OVCH2: variants seen among roughly 807,000 people sequenced by gnomAD.
OVCH2 encodes ovochymase-2.
In OVCH2, 88 loss-of-function variants were observed where a neutral mutation model predicts 73.7. The ratio of observed to expected loss-of-function variants is 1.19; its 90% CI spans 1.01 to 1.43. The LOEUF (loss-of-function observed/expected upper bound fraction) is 1.43. OVCH2 is among the 40% of genes most tolerant of loss of function. The pLI is 0.00. For synonymous variants in OVCH2, 265 were observed against 234.5 expected, an observed-to-expected ratio of 1.13 and a Z score of -1.19; for missense variants, 706 against 674.5, an observed-to-expected ratio of 1.05 and a Z score of -0.52.
Position 7,695,223 on chromosome 11 carries a change from C to T in OVCH2, c.1283-35G>A. Reference sequence around the variant, plus strand: ...AAGAAAAAGTCCAAACAGATGGCACCATTCAAATAAAGAAGAATTCTCACT... The same window carrying T: ...AAGAAAAAGTCCAAACAGATGGCACTATTCAAATAAAGAAGAATTCTCACT... On this transcript the variant is annotated intron_variant, in intron 11 of 15. Coordinates refer to ENST00000533663, the MANE Select transcript of OVCH2 (RefSeq NM_198185.7). 5 of 1,526,806 alleles carry T rather than the reference C, an allele frequency of 3.3e-6. No individual in the cohort carries two copies. In the South Asian group the frequency reaches 6.3e-5, roughly 19 times the overall value. 94.6% of individuals were successfully genotyped at this position (1,526,806 alleles called of 1,614,324 possible). A position where few individuals can be genotyped will look rare whatever the true frequency, so the allele number is the denominator to read the frequency against.
chr11:7,706,078 G>T (rs910969065), intron 1 of OVCH2: 1 of 419,314 alleles, frequency 2.4e-6, no homozygotes, highest in African/African-American at 2.1e-5. Flanking sequence ...AAGAAAACAG[G>T]GATTGTTTAC....
At chr11:7,684,487 TACAC>T (rs1555012336), downstream of OVCH2, among the ~76,000 whole-genome samples, 32 of 143,526 alleles carry the variant, frequency 2.2e-4, 1 homozygote, top group South Asian at 7.3e-3. Context: ...TATATATATA[TACAC>T]ACACATACAT....
chr11:7,695,016 G>T, intron 12 of OVCH2, 42 bp downstream of exon 12: 1 of 1,531,806 alleles, frequency 6.5e-7, no homozygotes, highest in Non-Finnish European at 8.8e-7. Flanking sequence ...TAGCTATTCT[G>T]TGAATTTACC....
downstream of OVCH2, among the ~76,000 whole-genome samples, chr11:7,686,434 C>T (rs1431688599): frequency 6.6e-6 from 1 of 152,218 alleles, no homozygotes; most frequent in Non-Finnish European, 1.5e-5. Flanking sequence ...GTACCCATAA[C>T]AGTAATTATC....
Position 7,701,465 on chromosome 11 carries a change from G to A in OVCH2, c.570C>T (p.Leu190=), listed in dbSNP as rs753885306. ...GWGRLTEGGV[L]SQVLQEVNLP... is the part of the protein sequence containing the mutation. ...GATTCACTTCCTGCAAGACTTGTGAGAGGACGCCACCTGAAAAACAGAGAG... is the reference window on the plus strand; with the variant it reads ...GATTCACTTCCTGCAAGACTTGTGAAAGGACGCCACCTGAAAAACAGAGAG... Residue 190 remains leucine (L), a synonymous_variant, in exon 6 of 16, where the codon CTC becomes CTT. Coordinates refer to ENST00000533663, the MANE Select transcript of OVCH2 (RefSeq NM_198185.7). 6 of 1,610,728 alleles carry A rather than the reference G, an allele frequency of 3.7e-6. No homozygotes were observed. The East Asian group carries it at 1.3e-4, about 36-fold the overall frequency.
intron 14 of OVCH2, 135 bp from the exon 15 acceptor site, chr11:7,690,148 A>G (rs1324030161): frequency 3.3e-6 from 2 of 613,428 alleles, no homozygotes; most frequent in African/African-American, 3.7e-5. Flanking sequence ...AGGTATTTCA[A>G]ATGAGGAGTG....
At position 7,703,708 on chromosome 11, in the gene OVCH2, T is replaced by C; in HGVS notation, c.280A>G (p.Ile94Val). 1 of 1,605,254 alleles carries C rather than the reference T, an allele frequency of 6.2e-7. No individual in the cohort carries two copies. Among genetic ancestry groups the C allele is most frequent in the Non-Finnish European group, 8.5e-7 (1 of 1,175,966 alleles). Residue 94 changes from isoleucine (I) to valine (V), a missense_variant, in exon 3 of 16, where the codon ATT (isoleucine) becomes GTT (valine). By Grantham distance (29) the Ile-to-Val change is conservative. Coordinates refer to ENST00000533663, the MANE Select transcript of OVCH2 (RefSeq NM_198185.7). ...CTAGGCCTTTCTTACCTGTTTGCAA[T>C]GCAGTGAGCCGCCGTGATCACCCAC... ...PQWVITAAHC[I>V]ANRNIVSTLN... is the part of the protein sequence containing the mutation.
At chr11:7,704,494 T>G (rs2136164557) in intron 2 of OVCH2, 71 bp downstream of exon 2, 2 of 1,120,808 alleles carry the variant, frequency 1.8e-6, no homozygotes, top group Admixed American at 2.5e-5. Flanking sequence ...AGATATAAAC[T>G]TAACCTTAAA....
At chr11:7,696,314 T>C (rs1284168238) in intron 10 of OVCH2, 151 bp downstream of exon 10, 1 of 1,131,394 alleles carries the variant, frequency 8.8e-7, no homozygotes, top group Admixed American at 2.5e-5. Flanking sequence ...AGGCTCAGAT[T>C]TGGTTCCTTC....
At chr11:7,686,335 A>G (rs1369565707), downstream of OVCH2, among the ~76,000 whole-genome samples, 1 of 152,218 alleles carries the variant, frequency 6.6e-6, no homozygotes, top group African/African-American at 2.4e-5. Context: ...TTCATATGCA[A>G]CGTTTAGAAT....
intron 6 of OVCH2, 112 bp from the exon 7 acceptor site, chr11:7,700,597 T>A (rs1445002987): frequency 1.6e-6 from 2 of 1,215,146 alleles, no homozygotes; most frequent in African/African-American, 3.1e-5. Context: ...TCCTCACTTC[T>A]AATAATTTAG....
At chr11:7,693,390 A>G (rs1315876404) in intron 12 of OVCH2, among the ~76,000 whole-genome samples, 1 of 152,208 alleles carries the variant, frequency 6.6e-6, no homozygotes. Flanking sequence ...TCAAATGGTG[A>G]GCATATTCCT....
chr11:7,687,208 T>G (rs542282921), downstream of OVCH2, among the ~76,000 whole-genome samples: 27 of 152,116 alleles, frequency 1.8e-4, no homozygotes, highest in Admixed American at 5.9e-4. Flanking sequence ...AGAAAGGTGA[T>G]TCCACCATGT....
At position 7,706,473 on chromosome 11, in the gene OVCH2, T is replaced by G. The variant is rs1188527505; in HGVS notation, c.-79A>C. The G allele has an allele frequency of 4.0e-5, 60 of 1,486,394 alleles. No homozygotes were observed. In the South Asian group the frequency reaches 8.1e-4, roughly 20 times the overall value. 92.1% of individuals were successfully genotyped at this position (1,486,394 alleles called of 1,614,324 possible). Reference sequence around the variant, plus strand: ...ATAGGAAGCCTTGAGAGACCAGCAATAAGCCAATTTAAAACAAGTTTATTC... The same window carrying G: ...ATAGGAAGCCTTGAGAGACCAGCAAGAAGCCAATTTAAAACAAGTTTATTC... On this transcript the variant is annotated 5_prime_UTR_variant, in exon 1 of 16. Coordinates refer to ENST00000533663, the MANE Select transcript of OVCH2 (RefSeq NM_198185.7).
At chr11:7,690,404 G>C (rs1051853001) in intron 14 of OVCH2, among the ~76,000 whole-genome samples, 1 of 152,054 alleles carries the variant, frequency 6.6e-6, no homozygotes, top group African/African-American at 2.4e-5. Flanking sequence ...TATCTTATCT[G>C]ATTTAATCCT....
chr11:7,702,267 C>T lies in OVCH2; in HGVS notation c.353G>A (p.Gly118Glu), dbSNP rs1159811779. The change falls in exon 4 of 16, where the codon GGA (glycine) becomes GAA (glutamate). Residue 118 changes from glycine (G) to glutamate (E), a missense_variant. Coordinates refer to ENST00000533663, the MANE Select transcript of OVCH2 (RefSeq NM_198185.7). ...GEYDLSQTDP[G>E]EQTLTIETVI... ...AGTTTCAATAGTGAGAGTTTGCTCTCCTGGGTCTGTCTGGCTTAAGTCATA... is the reference window on the plus strand; with the variant it reads ...AGTTTCAATAGTGAGAGTTTGCTCTTCTGGGTCTGTCTGGCTTAAGTCATA... The T allele has an allele frequency of 2.5e-6, 4 of 1,612,428 alleles. No individual in the cohort carries two copies. Among genetic ancestry groups the T allele is most frequent in the African/African-American group, 1.3e-5 (1 of 74,824 alleles).
At chr11:7,701,282 A>ACT in intron 6 of OVCH2, 42 bp downstream of exon 6, 2 of 1,559,964 alleles carry the variant, frequency 1.3e-6, no homozygotes, top group Non-Finnish European at 1.7e-6. Flanking sequence ...AAACCAAGGG[A>ACT]ATCCTTGCCT....
intron 14 of OVCH2, 85 bp from the exon 15 acceptor site, chr11:7,690,098 T>C (rs749849699): frequency 1.9e-6 from 2 of 1,026,498 alleles, no homozygotes; most frequent in Admixed American, 2.1e-5. Context: ...TATGAAGCTA[T>C]TGTTAGAATT....
At chr11:7,695,036 T>G (rs766778850) in intron 12 of OVCH2, 22 bp downstream of exon 12, 2 of 1,545,478 alleles carry the variant, frequency 1.3e-6, no homozygotes, top group East Asian at 4.9e-5. Flanking sequence ...CATAGCTACG[T>G]AAGGACAGCC....
Sources: allele counts gnomAD v4.1 joint callset (sites outside exome capture counted in the v4.1 genomes callset), GRCh38; gene constraint gnomAD v4.1.1; transcripts MANE v1.5; gene names NCBI Gene and HGNC (gene_info 2026-07-23, HGNC 2026-07-21).